Variants in PAXBP1 observed in about 807,000 individuals in gnomAD.
PAXBP1 encodes PAX3- and PAX7-binding protein 1.
In PAXBP1, 44 loss-of-function variants were observed where a neutral mutation model predicts 119.9. That is an observed-to-expected ratio of 0.37 (90% confidence interval 0.29 to 0.47). PAXBP1 has a LOEUF of 0.47. Ranked by LOEUF, PAXBP1 falls within the 20% of genes least tolerant of loss-of-function variation. The pLI is 0.99. For missense variants in PAXBP1, 898 were observed against 1,134.1 expected (o/e 0.79, Z 2.99); for synonymous variants, 393 against 406.6 (o/e 0.97, Z 0.40).
intron 7 of PAXBP1, chr21:32,756,243 C>A (rs1737684105): frequency 1.9e-6 from 1 of 529,210 alleles, no homozygotes; most frequent in African/African-American, 1.9e-5. Context: ...CACTAATGAC[C>A]ACTACACATA....
Position 32,743,307 on chromosome 21 carries a change from C to A in PAXBP1, c.2275G>T (p.Glu759Ter). ...FMPLYPKNVL[E>*]NKNSGPYLFF... ...AAGTAAGGCCCAGAATTTTTATTTT[C>A]TAAGACACTAAGTAAAAAAAAGAGA... The change falls in exon 15 of 18, where the codon GAA becomes TAA. Residue 759 changes from glutamate to a stop codon, truncating the protein, a stop_gained. Coordinates refer to ENST00000331923, the MANE Select transcript of PAXBP1 (RefSeq NM_016631.4). LOFTEE classifies it high-confidence loss of function. 2 of 1,558,460 alleles carry A rather than the reference C, an allele frequency of 1.3e-6. No individual in the cohort carries two copies. The highest frequency in any genetic ancestry group is 1.2e-5 in the South Asian group (1 of 82,086).
Position 32,771,427 on chromosome 21 carries a change from C to A in PAXBP1, c.242G>T (p.Gly81Val). The A allele has an allele frequency of 6.5e-7, 1 of 1,531,846 alleles. No individual in the cohort carries two copies. The highest frequency in any genetic ancestry group is 8.7e-7 in the Non-Finnish European group (1 of 1,149,448). The allele number at this position is 1,531,846 out of a possible 1,614,324, so 94.9% of individuals were successfully genotyped here. The change falls in exon 1 of 18, where the codon GGC (glycine) becomes GTC (valine). Residue 81 changes from glycine to valine, a missense_variant. Around this residue, in one of 2 missense-constraint regions of PAXBP1, gnomAD observed 299 missense variants for 281.4 expected, o/e 1.06. Coordinates refer to ENST00000331923, the MANE Select transcript of PAXBP1 (RefSeq NM_016631.4). Reference protein sequence around the residue: ...LGAEAGGGFPGGAEPGNGLKP... With the variant: ...LGAEAGGGFPVGAEPGNGLKP... ...CAGCCCGTTGCCGGGCTCCGCGCCG[C>A]CGGGGAAGCCGCCCCCGGCCTCAGC...
Position 32,751,180 on chromosome 21 carries a change from G to A in PAXBP1, c.1546C>T (p.Arg516Cys), listed in dbSNP as rs562213914. 28 of 1,614,082 alleles carry A rather than the reference G, an allele frequency of 1.7e-5. No homozygotes were observed. Among genetic ancestry groups the A allele is most frequent in the Non-Finnish European group, 2.2e-5 (26 of 1,179,964 alleles). ...LMAPNLDSFG[R>C]DRALYQEHAK... ...TGCTCTTGATACAGTGCCCGATCGC[G>A]TCCAAAGGAGTCAAGATTTGGTGCC... Residue 516 changes from arginine (R) to cysteine (C), a missense_variant, in exon 9 of 18, where the codon CGC becomes TGC. This residue lies in a region of PAXBP1 where 599 missense variants were observed against 852.7 expected (regional missense o/e 0.70). Transcript: ENST00000331923.
In PAXBP1 at chr21:32,744,905, C is replaced by T; in HGVS notation, c.2077G>A (p.Glu693Lys). The T allele has an allele frequency of 2.5e-6, 4 of 1,597,008 alleles. No individual in the cohort carries two copies. The highest frequency in any genetic ancestry group is 3.4e-6 in the Non-Finnish European group (4 of 1,175,266). ...GTAGAAAAAGGGTCCCACATATTTTCAGCTATCACTATTAAGAAAAAAAGA... is the reference window on the plus strand; with the variant it reads ...GTAGAAAAAGGGTCCCACATATTTTTAGCTATCACTATTAAGAAAAAAAGA... ...VILPKLTVIA[E>K]NMWDPFSTTQ... is the part of the protein sequence containing the mutation. Residue 693 changes from glutamate (E) to lysine (K), a missense_variant, in exon 13 of 18, where the codon GAA becomes AAA. Coordinates refer to ENST00000331923, the MANE Select transcript of PAXBP1 (RefSeq NM_016631.4).
chr21:32,735,027 G>A lies in PAXBP1; in HGVS notation c.2677C>T (p.Arg893Ter). 6.2e-7 allele frequency: 1 copy of A among 1,613,632 alleles called. No individual in the cohort carries two copies. The highest frequency in any genetic ancestry group is 8.5e-7 in the Non-Finnish European group (1 of 1,179,788). The change falls in exon 18 of 18, where the codon CGA becomes TGA. Residue 893 changes from arginine (R) to a stop codon, truncating the protein, a stop_gained. Coordinates refer to ENST00000331923, the MANE Select transcript of PAXBP1 (RefSeq NM_016631.4). LOFTEE classifies it high-confidence loss of function. The stretch of plus-strand genomic sequence containing the variant: ...ACAGACATAGCATGATCCAAAGCTC[G>A]AACACTTGCAAGGAGTTTTACTATC... The part of the protein sequence containing the change: ...KQIVKLLASV[R>*]ALDHAMSVAS...
intron 8 of PAXBP1, among the ~76,000 whole-genome samples, chr21:32,752,610 A>G (rs1367395716): frequency 1.2e-4 from 19 of 152,232 alleles, no homozygotes. Flanking sequence ...TTACTTCAGA[A>G]TATCCTAATT....
At position 32,761,133 on chromosome 21, in the gene PAXBP1, C is replaced by T. The variant is rs1179383747; in HGVS notation, c.901G>A (p.Val301Ile). The stretch of plus-strand genomic sequence containing the variant: ...AGCTCTTCATCCTGTTCTCCAGTTA[C>T]TAAAGCATCATCATCACTCCCCTCA... ...GIEGSDDDAL[V>I]TGEQDEELSR... The change falls in exon 5 of 18, where the codon GTA (valine) becomes ATA (isoleucine). Residue 301 changes from valine (V) to isoleucine (I), a missense_variant. Coordinates refer to ENST00000331923, the MANE Select transcript of PAXBP1 (RefSeq NM_016631.4). 2.5e-6 allele frequency: 4 copies of T among 1,613,890 alleles called. No individual in the cohort carries two copies. The highest frequency in any genetic ancestry group is 3.4e-6 in the Non-Finnish European group (4 of 1,180,012).
At chr21:32,755,502 T>A in intron 7 of PAXBP1, 149 bp from the exon 8 acceptor site, 1 of 974,768 alleles carries the variant, frequency 1.0e-6, no homozygotes, top group Non-Finnish European at 1.5e-6. Flanking sequence ...TAGCAAATTC[T>A]GTTTTATGTT....
chr21:32,751,638 G>C (rs947144302), intron 8 of PAXBP1: 1 of 154,732 alleles, frequency 6.5e-6, no homozygotes, highest in Admixed American at 6.4e-5. Context: ...GAAAACATAG[G>C]AAGACATAAG....
intron 5 of PAXBP1, 84 bp downstream of exon 5, chr21:32,760,975 T>C (rs988809036): frequency 4.9e-6 from 5 of 1,024,726 alleles, no homozygotes; most frequent in South Asian, 1.5e-5. Context: ...ATGACAAAGA[T>C]TCAATACGGA....
rs2044364520 is a variant in PAXBP1, at chr21:32,771,755, C to T, written c.-87G>A. The T allele has an allele frequency of 1.2e-5, 14 of 1,192,012 alleles. No homozygotes were observed. Among genetic ancestry groups the T allele is most frequent in the Non-Finnish European group, 1.5e-5 (14 of 927,900 alleles). 73.8% of individuals were successfully genotyped at this position (1,192,012 alleles called of 1,614,324 possible). A position where few individuals can be genotyped will look rare whatever the true frequency, so the allele number is the denominator to read the frequency against. ...CTCGTGACGGCGCACGCGCGCTCTC[C>T]GGAGCTCCAGCCGGGTCGAGTCCTC... On this transcript the variant is annotated 5_prime_UTR_variant, in exon 1 of 18. Transcript: ENST00000331923.
chr21:32,767,169 C>T (rs149591574), intron 2 of PAXBP1, among the ~76,000 whole-genome samples: 4 of 152,280 alleles, frequency 2.6e-5, no homozygotes, highest in Admixed American at 2.0e-4. Context: ...AAAAAGAGAA[C>T]TCATTATTTT....
intron 17 of PAXBP1, 84 bp downstream of exon 17, chr21:32,737,170 T>G (rs2043704244): frequency 9.2e-7 from 1 of 1,086,912 alleles, no homozygotes. Context: ...AACTAAAATA[T>G]AAACATCTCT....
intron 3 of PAXBP1, among the ~76,000 whole-genome samples, chr21:32,762,711 G>C (rs1299330899): frequency 6.6e-6 from 1 of 151,940 alleles, no homozygotes; most frequent in African/African-American, 2.4e-5. Flanking sequence ...CTGAGGTCAG[G>C]AGTTCAAGAC....
intron 11 of PAXBP1, among the ~76,000 whole-genome samples, chr21:32,746,820 G>A (rs1264374540): frequency 6.6e-6 from 1 of 152,078 alleles, no homozygotes; most frequent in African/African-American, 2.4e-5. Flanking sequence ...CAATAGCAAA[G>A]ACATGGAATC....
Position 32,737,284 on chromosome 21 carries a change from C to A in PAXBP1, c.2606G>T (p.Gly869Val). Reference protein sequence around the residue: ...LADTIYRNSIGCSDVEKRNAR... With the variant: ...LADTIYRNSIVCSDVEKRNAR... Reference sequence around the variant, plus strand: ...ATTTCTTTTTTCCACATCAGAACACCCGATACTATTTCTATAAATTGTATC... The same window carrying A: ...ATTTCTTTTTTCCACATCAGAACACACGATACTATTTCTATAAATTGTATC... The change falls in exon 17 of 18, where the codon GGG becomes GTG. Residue 869 changes from glycine (G) to valine (V), a missense_variant. By Grantham distance (109) the Gly-to-Val change is moderately radical (BLOSUM62 -3). Around this residue, in one of 2 missense-constraint regions of PAXBP1, gnomAD observed 599 missense variants for 852.7 expected, o/e 0.70. Coordinates refer to ENST00000331923, the MANE Select transcript of PAXBP1 (RefSeq NM_016631.4). 1 of 1,571,536 alleles carries A rather than the reference C, an allele frequency of 6.4e-7. No homozygotes were observed. The highest frequency in any genetic ancestry group is 8.6e-7 in the Non-Finnish European group (1 of 1,156,934).
chr21:32,769,826 A>T lies in PAXBP1; in HGVS notation c.460T>A (p.Ser154Thr), dbSNP rs2044304785. The T allele has an allele frequency of 6.2e-7, 1 of 1,600,340 alleles. No homozygotes were observed. Among genetic ancestry groups the T allele is most frequent in the African/African-American group, 1.3e-5 (1 of 74,230 alleles). The change falls in exon 2 of 18, where the codon TCA (serine) becomes ACA (threonine). Residue 154 changes from serine (S) to threonine (T), a missense_variant. Transcript: ENST00000331923. ...GTTTGGTACTTACTTTCAGCTGATGAGTTGAGTTCTGTCTTAATCTTCGAT... is the reference window on the plus strand; with the variant it reads ...GTTTGGTACTTACTTTCAGCTGATGTGTTGAGTTCTGTCTTAATCTTCGAT... ...EKSKIKTELN[S>T]SAESEQPLDK...
intron 4 of PAXBP1, 72 bp from the exon 5 acceptor site, chr21:32,761,234 A>G (rs1396512800): frequency 8.7e-7 from 1 of 1,146,370 alleles, no homozygotes; most frequent in South Asian, 1.3e-5. Context: ...CTGTCCTGAC[A>G]TTTCACAAGA....
intron 6 of PAXBP1, 56 bp from the exon 7 acceptor site, chr21:32,759,325 C>G: frequency 6.7e-7 from 1 of 1,495,362 alleles, no homozygotes; most frequent in Non-Finnish European, 9.1e-7. Flanking sequence ...TCTATGGTGT[C>G]AGGACTCTTG....
Sources: allele counts gnomAD v4.1 joint callset (sites outside exome capture counted in the v4.1 genomes callset), GRCh38; gene constraint gnomAD v4.1.1; regional missense constraint gnomAD v4.1.1; transcripts MANE v1.5; gene names NCBI Gene and HGNC (gene_info 2026-07-23, HGNC 2026-07-21).